RERE: variants seen among roughly 807,000 people sequenced by gnomAD.
RERE encodes the protein arginine-glutamic acid dipeptide repeats protein.
RERE carries 40 observed loss-of-function variants against 146.1 expected under a neutral mutation model. That is an observed-to-expected ratio of 0.27 (90% confidence interval 0.21 to 0.36). The LOEUF (loss-of-function observed/expected upper bound fraction) is 0.36, where lower values mean the gene tolerates loss of function less well. Ranked by LOEUF, RERE falls within the 10% of genes least tolerant of loss-of-function variation. The pLI is 1.00. For missense variants in RERE, 1,933 were observed against 2,138.7 expected (o/e 0.90, Z 1.90); for synonymous variants, 1,003 against 866.0 (o/e 1.16, Z -2.78).
Position 8,360,810 on chromosome 1 carries a change from C to A in RERE, c.2697G>T (p.Gln899His). The A allele has an allele frequency of 6.4e-7, 1 of 1,569,738 alleles. No homozygotes were observed. Among genetic ancestry groups the A allele is most frequent in the Non-Finnish European group, 8.6e-7 (1 of 1,163,486 alleles). The change falls in exon 18 of 23, where the codon CAG becomes CAT. Residue 899 changes from glutamine to histidine, a missense_variant. Coordinates refer to ENST00000400908, the MANE Select transcript of RERE (RefSeq NM_001042681.2). ...PAAAYPHTSL[Q>H]LPASQSALQS... Reference sequence around the variant, plus strand: ...GCAGCGCTGACTGAGAGGCTGGCAGCTGCAGGGAGGTGTGAGGGTACGCTG... The same window carrying A: ...GCAGCGCTGACTGAGAGGCTGGCAGATGCAGGGAGGTGTGAGGGTACGCTG...
At chr1:8,460,104 A>G (rs1644506960) in intron 11 of RERE, among the ~76,000 whole-genome samples, 1 of 152,156 alleles carries the variant, frequency 6.6e-6, no homozygotes, top group Non-Finnish European at 1.5e-5. Context: ...ATTGGATCTT[A>G]ACGGGGATTT....
At chr1:8,592,294 CTCTG>C (rs1293812611) in intron 4 of RERE, among the ~76,000 whole-genome samples, 3 of 152,036 alleles carry the variant, frequency 2.0e-5, no homozygotes, top group Admixed American at 6.5e-5. Flanking sequence ...AAGACACCGT[CTCTG>C]TCTGTCACCC....
intron 12 of RERE, among the ~76,000 whole-genome samples, chr1:8,401,014 T>A (rs1234967459): frequency 8.4e-5 from 2 of 23,922 alleles, no homozygotes; most frequent in African/African-American, 1.6e-4. Flanking sequence ...TGAGACTCTG[T>A]CTCAAAAAAA....
intron 12 of RERE, among the ~76,000 whole-genome samples, chr1:8,382,627 A>G (rs1169389626): frequency 6.6e-6 from 1 of 152,250 alleles, no homozygotes; most frequent in Admixed American, 6.5e-5. Context: ...GCAAGACGTT[A>G]CTACGTTACA....
intron 11 of RERE, 101 bp downstream of exon 11, chr1:8,465,824 G>C (rs777453866): frequency 2.1e-6 from 2 of 967,608 alleles, no homozygotes; most frequent in African/African-American, 1.6e-5. Context: ...CATTCTGCAT[G>C]ACTGAAGCTT....
chr1:8,593,893 G>C (rs1646524233), intron 4 of RERE, among the ~76,000 whole-genome samples: 1 of 152,130 alleles, frequency 6.6e-6, no homozygotes, highest in African/African-American at 2.4e-5. Context: ...AGAAAACCAT[G>C]CACCGGGGCA....
chr1:8,455,714 T>C (rs1384739242), intron 11 of RERE, among the ~76,000 whole-genome samples: 2 of 152,168 alleles, frequency 1.3e-5, no homozygotes, highest in Non-Finnish European at 2.9e-5. Context: ...TTTCTTATTA[T>C]CAATCCTGCT....
intron 1 of RERE, among the ~76,000 whole-genome samples, chr1:8,766,122 A>G (rs1179187525): frequency 6.6e-6 from 1 of 152,178 alleles, no homozygotes; most frequent in East Asian, 1.9e-4. Flanking sequence ...AAACAACAAC[A>G]ACAAAAAGAA....
At chr1:8,525,751 T>G (rs561434023) in intron 7 of RERE, 4 of 1,598,076 alleles carry the variant, frequency 2.5e-6, no homozygotes, top group South Asian at 1.1e-5. Context: ...CAGGGGAAGA[T>G]AGCCTACCTG....
At chr1:8,490,343 C>CAAAA (rs530925995) in intron 10 of RERE, among the ~76,000 whole-genome samples, 33 of 75,370 alleles carry the variant, frequency 4.4e-4, no homozygotes, top group African/African-American at 1.3e-3. Flanking sequence ...GGCAACATCT[C>CAAAA]AAAAAAAAAA....
intron 1 of RERE, among the ~76,000 whole-genome samples, chr1:8,774,903 G>C (rs1005152906): frequency 1.4e-5 from 2 of 144,696 alleles, no homozygotes; most frequent in African/African-American, 5.1e-5. Flanking sequence ...ATTAAATCAT[G>C]TGAAAAGCCC....
At chr1:8,556,716 G>A (rs756796223) in intron 5 of RERE, 145 bp from the exon 6 acceptor site, 3 of 574,858 alleles carry the variant, frequency 5.2e-6, no homozygotes, top group Non-Finnish European at 9.3e-6. Flanking sequence ...TAGAGAAGAG[G>A]AATCATAAAT....
chr1:8,806,183 A>G (rs1424295657), intron 1 of RERE, among the ~76,000 whole-genome samples: 1 of 152,082 alleles, frequency 6.6e-6, no homozygotes, highest in Non-Finnish European at 1.5e-5. Flanking sequence ...TCAAATAACT[A>G]AGCTCTAAAA....
chr1:8,622,017 G>C (rs560919348), intron 3 of RERE, among the ~76,000 whole-genome samples: 5 of 152,222 alleles, frequency 3.3e-5, no homozygotes, highest in Admixed American at 6.5e-5. Context: ...AGAAACAGCA[G>C]TGTGTGATTT....
chr1:8,583,234 C>A (rs1230837474), intron 4 of RERE, among the ~76,000 whole-genome samples: 1 of 152,170 alleles, frequency 6.6e-6, no homozygotes, highest in Admixed American at 6.5e-5. Flanking sequence ...AATCCCCACA[C>A]AAAAACAGAT....
chr1:8,757,619 T>C (rs1355885985), intron 1 of RERE, among the ~76,000 whole-genome samples: 3 of 140,452 alleles, frequency 2.1e-5, no homozygotes, highest in Non-Finnish European at 4.8e-5. Flanking sequence ...TGATAGAACA[T>C]TGTAGTTAAG....
At chr1:8,689,677 C>A (rs949732228) in intron 1 of RERE, among the ~76,000 whole-genome samples, 2 of 151,822 alleles carry the variant, frequency 1.3e-5, no homozygotes, top group African/African-American at 4.8e-5. Flanking sequence ...AAAATCAAAT[C>A]ACCACAGGGA....
At chr1:8,812,175 T>A (rs921271549) in intron 1 of RERE, among the ~76,000 whole-genome samples, 1 of 152,186 alleles carries the variant, frequency 6.6e-6, no homozygotes, top group African/African-American at 2.4e-5. Flanking sequence ...AAAATTAAGA[T>A]AAAACCCATG....
chr1:8,372,247 C>T (rs911246860), intron 12 of RERE, among the ~76,000 whole-genome samples: 3 of 152,186 alleles, frequency 2.0e-5, no homozygotes, highest in Non-Finnish European at 4.4e-5. Context: ...GCATGAACTG[C>T]TCAGACAGGA....
Sources: gnomAD v4.1 joint callset for allele counts (sites outside exome capture counted in the v4.1 genomes callset) on GRCh38, gnomAD v4.1.1 for gene constraint, MANE v1.5 for transcripts, NCBI Gene and HGNC (gene_info 2026-07-23, HGNC 2026-07-21) for gene names.